MKLN1: variants seen among roughly 807,000 people sequenced by gnomAD.
MKLN1 encodes muskelin 1, also known as muskelin.
MKLN1 carries 18 observed loss-of-function variants against 99.0 expected under a neutral mutation model. The ratio of observed to expected loss-of-function variants is 0.18; its 90% CI spans 0.13 to 0.27. The LOEUF (loss-of-function observed/expected upper bound fraction) is 0.27. Among genes scored for constraint, MKLN1 ranks in the 10% least tolerant of loss-of-function variants. The pLI is 1.00. For missense variants in MKLN1, 621 were observed against 875.9 expected (o/e 0.71, Z 3.67); for synonymous variants, 288 against 293.2 (o/e 0.98, Z 0.18).
chr7:131,144,647 C>A (rs942765376), intron 2 of MKLN1, among the ~76,000 whole-genome samples: 1 of 151,978 alleles, frequency 6.6e-6, no homozygotes, highest in Non-Finnish European at 1.5e-5. Flanking sequence ...GCCACCACAC[C>A]TGGCCCTTGT....
chr7:131,266,212 G>A (rs1339303689), intron 3 of MKLN1, among the ~76,000 whole-genome samples: 1 of 150,916 alleles, frequency 6.6e-6, no homozygotes, highest in Non-Finnish European at 1.5e-5. Context: ...TTGGTTGTGT[G>A]TGTTGTCTAT....
chr7:131,192,452 T>TA (rs1563247855), intron 2 of MKLN1, among the ~76,000 whole-genome samples: 2 of 134,842 alleles, frequency 1.5e-5, no homozygotes, highest in East Asian at 2.0e-4. Flanking sequence ...ATACAATATA[T>TA]AAATATATAA....
intron 1 of MKLN1, among the ~76,000 whole-genome samples, chr7:131,373,773 A>G (rs913833080): frequency 2.6e-5 from 4 of 152,198 alleles, no homozygotes; most frequent in African/African-American, 7.2e-5. Context: ...TAAGATGTCA[A>G]CATTGGTACA....
In MKLN1 at chr7:131,495,093, C is replaced by A. The variant is rs1459856094; in HGVS notation, c.*7365C>A. On this transcript the variant is annotated 3_prime_UTR_variant, in exon 18 of 18. Transcript: ENST00000352689. ...GTCTTGGGAACAAACAGTATTCCGT[C>A]TTTCAAATATGGCATATTTCTAAAC... is the stretch of plus-strand genomic sequence containing the variant. 1 of 152,118 alleles carries A rather than the reference C, an allele frequency of 6.6e-6. No homozygotes were observed. Among genetic ancestry groups the A allele is most frequent in the African/African-American group, 2.4e-5 (1 of 41,400 alleles). 9.4% of individuals were successfully genotyped at this position (152,118 alleles called of 1,614,324 possible). A position where few individuals can be genotyped will look rare whatever the true frequency, so the allele number is the denominator to read the frequency against.
At chr7:131,194,873 G>A (rs762540654) in intron 2 of MKLN1, among the ~76,000 whole-genome samples, 1 of 152,228 alleles carries the variant, frequency 6.6e-6, no homozygotes, top group African/African-American at 2.4e-5. Flanking sequence ...TGTTAATATC[G>A]CATTCAGGTG....
chr7:131,225,776 T>G (rs1797138046), intron 3 of MKLN1, among the ~76,000 whole-genome samples: 1 of 152,220 alleles, frequency 6.6e-6, no homozygotes, highest in South Asian at 2.1e-4. Context: ...AGGCTTGGCC[T>G]TCGAGGAAGA....
At chr7:131,423,327 T>TTTTA (rs886335926) in intron 8 of MKLN1, among the ~76,000 whole-genome samples, 2 of 152,000 alleles carry the variant, frequency 1.3e-5, no homozygotes, top group African/African-American at 2.4e-5. Context: ...TTATTATTAT[T>TTTTA]TTTATTTATT....
upstream of MKLN1, among the ~76,000 whole-genome samples, chr7:131,325,702 C>A (rs1798870239): frequency 1.4e-5 from 2 of 144,762 alleles, no homozygotes; most frequent in African/African-American, 5.1e-5. Flanking sequence ...GATTCTGTCT[C>A]AAAAAAAAAA....
intron 1 of MKLN1, among the ~76,000 whole-genome samples, chr7:131,133,330 A>ATTTT (rs11354175): frequency 3.0e-5 from 4 of 131,614 alleles, no homozygotes; most frequent in African/African-American, 8.4e-5. Flanking sequence ...TTTAATTTTA[A>ATTTT]TTTTTTTTTT....
chr7:131,241,566 G>A (rs1004179585), intron 3 of MKLN1, among the ~76,000 whole-genome samples: 3 of 152,174 alleles, frequency 2.0e-5, no homozygotes, highest in African/African-American at 7.2e-5. Flanking sequence ...AAAGTAGCCA[G>A]GTGTGGTGGC....
chr7:131,139,408 C>T (rs1159528655), intron 1 of MKLN1, among the ~76,000 whole-genome samples: 1 of 152,092 alleles, frequency 6.6e-6, no homozygotes, highest in Non-Finnish European at 1.5e-5. Flanking sequence ...ACCTTCGCTC[C>T]CCAGGGCCAA....
At chr7:131,112,439 G>A (rs1375945659) in intron 1 of MKLN1, among the ~76,000 whole-genome samples, 1 of 152,190 alleles carries the variant, frequency 6.6e-6, no homozygotes, top group African/African-American at 2.4e-5. Flanking sequence ...CATTTTTAGT[G>A]TCTGTTGACA....
intron 12 of MKLN1, among the ~76,000 whole-genome samples, chr7:131,457,697 C>T (rs1203831709): frequency 1.3e-5 from 2 of 152,146 alleles, no homozygotes; most frequent in Non-Finnish European, 2.9e-5. Context: ...GGGTGAATCA[C>T]CTGAGGTCAG....
chr7:131,182,651 C>T (rs1796392463), intron 2 of MKLN1, among the ~76,000 whole-genome samples: 1 of 152,182 alleles, frequency 6.6e-6, no homozygotes, highest in African/African-American at 2.4e-5. Context: ...AGAATAAAGA[C>T]TTACAAATAA....
intron 1 of MKLN1, among the ~76,000 whole-genome samples, chr7:131,355,718 T>C (rs1584642386): frequency 1.3e-5 from 2 of 150,302 alleles, no homozygotes; most frequent in African/African-American, 4.9e-5. Context: ...TGGAGTATAG[T>C]GGTGTGATCA....
intron 3 of MKLN1, chr7:131,285,023 G>A (rs950649283): frequency 6.6e-6 from 1 of 152,360 alleles, no homozygotes; most frequent in Middle Eastern, 3.4e-3. Context: ...GTACTCTGAG[G>A]CTGAGATTCC....
At position 131,355,451 on chromosome 7, in the gene MKLN1, A is replaced by G. The variant is rs182592984; in HGVS notation, c.99-19973A>G. On this transcript the variant is annotated intron_variant, in intron 1 of 17. Coordinates refer to ENST00000352689, the MANE Select transcript of MKLN1 (RefSeq NM_013255.5). ...TTTCCAGGTTTACTTATACATACAT[A>G]TATATATGTATATATCAGGACTGTT... is the stretch of plus-strand genomic sequence containing the variant. Among the ~76,000 whole-genome samples, 5 of 151,788 alleles carry G rather than the reference A, an allele frequency of 3.3e-5. 1 individual carries two copies. The highest frequency in any genetic ancestry group is 3.3e-4 in the Admixed American group (5 of 15,246).
chr7:131,119,548 C>T (rs2082724), intron 1 of MKLN1, among the ~76,000 whole-genome samples: 150,838 of 152,356 alleles, frequency 0.99, 74,695 homozygotes, highest in Middle Eastern at 1. Flanking sequence ...ACATTTCCCC[C>T]CCACACTACC....
At chr7:131,476,078 A>C (rs935135439) in intron 16 of MKLN1, among the ~76,000 whole-genome samples, 8 of 152,208 alleles carry the variant, frequency 5.3e-5, no homozygotes, top group Non-Finnish European at 8.8e-5. Flanking sequence ...GTAAGTGAAG[A>C]AAAGCATCTA....
Sources: gnomAD v4.1 joint callset for allele counts (sites outside exome capture counted in the v4.1 genomes callset) on GRCh38, gnomAD v4.1.1 for gene constraint, MANE v1.5 for transcripts, NCBI Gene and HGNC (gene_info 2026-07-23, HGNC 2026-07-21) for gene names.